MAGI3: variants seen among roughly 807,000 people sequenced by gnomAD.
The protein encoded by MAGI3 is membrane-associated guanylate kinase, WW and PDZ domain-containing protein 3.
A neutral mutation model predicts 121.8 loss-of-function variants in MAGI3; 43 were observed. The ratio of observed to expected loss-of-function variants is 0.35; its 90% confidence interval spans 0.28 to 0.46. The LOEUF (loss-of-function observed/expected upper bound fraction) is 0.46. Among genes scored for constraint, MAGI3 ranks in the 20% least tolerant of loss-of-function variants. MAGI3 has a pLI of 1.00. For missense variants in MAGI3, 1,547 were observed against 1,797.3 expected, an observed-to-expected ratio of 0.86 and a Z score of 2.52; for synonymous variants, 553 against 639.3, an observed-to-expected ratio of 0.86 and a Z score of 2.04.
chr1:113,522,200 G>C (rs1658231787), intron 1 of MAGI3, among the ~76,000 whole-genome samples: 1 of 152,220 alleles, frequency 6.6e-6, no homozygotes, highest in African/African-American at 2.4e-5. Context: ...CTGACTCCCA[G>C]TTTCAAGTGA....
intron 1 of MAGI3, among the ~76,000 whole-genome samples, chr1:113,404,981 TTTTG>T (rs995010811): frequency 2.0e-5 from 3 of 152,280 alleles, no homozygotes; most frequent in East Asian, 1.9e-4. Context: ...TTACTTTTAA[TTTTG>T]TTTATTTATT....
At chr1:113,460,132 T>C (rs1654958574) in intron 1 of MAGI3, among the ~76,000 whole-genome samples, 3 of 152,056 alleles carry the variant, frequency 2.0e-5, no homozygotes, top group Non-Finnish European at 4.4e-5. Context: ...AAATCAGTAA[T>C]TGTGATTCAT....
At chr1:113,544,520 C>G (rs1659440258) in intron 1 of MAGI3, among the ~76,000 whole-genome samples, 1 of 152,162 alleles carries the variant, frequency 6.6e-6, no homozygotes, top group Non-Finnish European at 1.5e-5. Context: ...AGAAGAAATT[C>G]TTATAGGTGT....
chr1:113,623,443 T>TAC (rs1187612165), intron 9 of MAGI3, among the ~76,000 whole-genome samples: 1 of 62,996 alleles, frequency 1.6e-5, no homozygotes, highest in African/African-American at 6.0e-5. Flanking sequence ...CACATATATA[T>TAC]ACACACACAT....
intron 1 of MAGI3, among the ~76,000 whole-genome samples, chr1:113,415,779 A>G (rs944228894): frequency 1.3e-4 from 19 of 151,962 alleles, no homozygotes; most frequent in Admixed American, 1.1e-3. Context: ...TTTAAGCTTC[A>G]AAAGTTTTAG....
intron 1 of MAGI3, among the ~76,000 whole-genome samples, chr1:113,449,208 G>A (rs887081826): frequency 3.3e-5 from 5 of 152,124 alleles, no homozygotes; most frequent in Non-Finnish European, 7.4e-5. Context: ...TAGATGCCTA[G>A]TCTAAGCAAA....
At position 113,642,115 on chromosome 1, in the gene MAGI3, G is replaced by T; in HGVS notation, c.1565G>T (p.Gly522Val). 1.2e-6 allele frequency: 2 copies of T among 1,614,128 alleles called. No homozygotes were observed. The highest frequency in any genetic ancestry group is 1.7e-6 in the Non-Finnish European group (2 of 1,180,012). The change falls in exon 10 of 21, where the codon GGA (glycine) becomes GTA (valine). Residue 522 changes from glycine (G) to valine (V), a missense_variant. By Grantham distance (109) the Gly-to-Val change is moderately radical. Coordinates refer to ENST00000307546, the MANE Select transcript of MAGI3 (RefSeq NM_001142782.2). Reference sequence around the variant, plus strand: ...ATCAATGGACAGTCATTAACCAAGGGAGAGACTTGCATGAATCCTCAGGAT... The same window carrying T: ...ATCAATGGACAGTCATTAACCAAGGTAGAGACTTGCATGAATCCTCAGGAT... ...PVINGQSLTK[G>V]ETCMNPQDFK...
At chr1:113,552,168 G>A (rs1659814708) in intron 2 of MAGI3, among the ~76,000 whole-genome samples, 1 of 151,652 alleles carries the variant, frequency 6.6e-6, no homozygotes, top group Non-Finnish European at 1.5e-5. Flanking sequence ...TTATTCTGTG[G>A]GTAAATACAT....
chr1:113,630,757 C>T (rs1557862025), intron 9 of MAGI3, among the ~76,000 whole-genome samples: 1 of 152,124 alleles, frequency 6.6e-6, no homozygotes, highest in Non-Finnish European at 1.5e-5. Context: ...CTCTCACAAT[C>T]ACACAGATTT....
chr1:113,589,456 G>C (rs1053862191), intron 4 of MAGI3, among the ~76,000 whole-genome samples: 1 of 152,036 alleles, frequency 6.6e-6, no homozygotes, highest in Non-Finnish European at 1.5e-5. Context: ...ATTTAGCCAG[G>C]CAGTATTATG....
chr1:113,662,954 C>T (rs1266218963), intron 16 of MAGI3, among the ~76,000 whole-genome samples: 7 of 152,046 alleles, frequency 4.6e-5, no homozygotes, highest in Admixed American at 2.6e-4. Context: ...GGCCTGGCGC[C>T]GTGGCTCATG....
intron 1 of MAGI3, among the ~76,000 whole-genome samples, chr1:113,477,861 C>G (rs1655914300): frequency 6.6e-6 from 1 of 152,210 alleles, no homozygotes; most frequent in Non-Finnish European, 1.5e-5. Context: ...CTTTCAGGTA[C>G]ACCAATCAAA....
chr1:113,473,054 G>C (rs1286249038), intron 1 of MAGI3, among the ~76,000 whole-genome samples: 1 of 152,112 alleles, frequency 6.6e-6, no homozygotes, highest in African/African-American at 2.4e-5. Context: ...TAAAATTCAT[G>C]TATTTTCATG....
intron 2 of MAGI3, among the ~76,000 whole-genome samples, chr1:113,558,413 T>C (rs1285146958): frequency 6.6e-6 from 1 of 151,836 alleles, no homozygotes; most frequent in Admixed American, 6.6e-5. Context: ...CTCAATGCAA[T>C]CACAAGTATT....
intron 1 of MAGI3, among the ~76,000 whole-genome samples, chr1:113,474,809 G>T (rs1316368833): frequency 1.3e-5 from 2 of 152,166 alleles, no homozygotes; most frequent in Non-Finnish European, 1.5e-5. Context: ...GGATGGCATT[G>T]AATCTATAAA....
chr1:113,606,310 T>C (rs1649771741), intron 6 of MAGI3, among the ~76,000 whole-genome samples: 1 of 152,206 alleles, frequency 6.6e-6, no homozygotes, highest in African/African-American at 2.4e-5. Context: ...TAGTTGTTTA[T>C]AAAGCTTTCC....
intron 1 of MAGI3, among the ~76,000 whole-genome samples, chr1:113,530,077 T>C (rs1387244952): frequency 6.6e-6 from 1 of 152,170 alleles, no homozygotes; most frequent in African/African-American, 2.4e-5. Context: ...CTTCTAGTAA[T>C]GTAAAAGCAG....
At chr1:113,559,880 G>A (rs1459961547) in intron 2 of MAGI3, among the ~76,000 whole-genome samples, 1 of 152,112 alleles carries the variant, frequency 6.6e-6, no homozygotes, top group African/African-American at 2.4e-5. Context: ...CATAAAGCAA[G>A]TTCTTAGGGA....
intron 1 of MAGI3, among the ~76,000 whole-genome samples, chr1:113,458,504 T>C (rs1356286566): frequency 6.6e-6 from 1 of 152,146 alleles, no homozygotes; most frequent in Non-Finnish European, 1.5e-5. Context: ...TCAATTTTTA[T>C]GTTTTTTACT....
Sources: gnomAD v4.1 joint callset for allele counts (sites outside exome capture counted in the v4.1 genomes callset) on GRCh38, gnomAD v4.1.1 for gene constraint, MANE v1.5 for transcripts, NCBI Gene and HGNC (gene_info 2026-07-23, HGNC 2026-07-21) for gene names.